Variants in NSFL1C observed in about 807,000 individuals in gnomAD.
NSFL1C encodes NSFL1 cofactor, also known as NSFL1 cofactor p47.
In NSFL1C, 14 loss-of-function variants were observed where a neutral mutation model predicts 43.1. The observed-to-expected ratio is 0.32, with a 90% CI of 0.21 to 0.51. NSFL1C has a LOEUF of 0.51. NSFL1C is among the 20% of genes least tolerant of loss of function. The pLI is 0.98. For missense variants in NSFL1C, 406 were observed against 472.5 expected, an observed-to-expected ratio of 0.86 and a Z score of 1.30; for synonymous variants, 171 against 183.5, an observed-to-expected ratio of 0.93 and a Z score of 0.55.
chr20:1,458,760 T>C (rs1225340091), intron 2 of NSFL1C, among the ~76,000 whole-genome samples: 1 of 151,962 alleles, frequency 6.6e-6, no homozygotes, highest in Non-Finnish European at 1.5e-5. Context: ...TGGTGTAGCA[T>C]TATAGGAAAG....
At chr20:1,449,514 G>C (rs148558489) in intron 7 of NSFL1C, among the ~76,000 whole-genome samples, 1 of 152,160 alleles carries the variant, frequency 6.6e-6, no homozygotes, top group Non-Finnish European at 1.5e-5. Context: ...GCAGCCACAC[G>C]CATCTGTTCA....
intron 7 of NSFL1C, among the ~76,000 whole-genome samples, chr20:1,448,453 A>C (rs1244241215): frequency 6.6e-6 from 1 of 152,200 alleles, no homozygotes; most frequent in Non-Finnish European, 1.5e-5. Flanking sequence ...CCACACAAGG[A>C]AGCAGCTGCT....
chr20:1,461,255 T>C (rs975762384), intron 2 of NSFL1C, among the ~76,000 whole-genome samples: 12 of 152,142 alleles, frequency 7.9e-5, no homozygotes, highest in African/African-American at 2.4e-4. Context: ...GTGGGAGAGA[T>C]GCCACCCAGT....
At chr20:1,454,742 G>C (rs1349724600) in intron 4 of NSFL1C, among the ~76,000 whole-genome samples, 1 of 152,190 alleles carries the variant, frequency 6.6e-6, no homozygotes, top group Non-Finnish European at 1.5e-5. Flanking sequence ...AACAAAACAT[G>C]TATGCAGAAC....
At chr20:1,445,939 T>C (rs2090050352) in intron 7 of NSFL1C, 109 bp from the exon 8 acceptor site, 1 of 1,184,004 alleles carries the variant, frequency 8.4e-7, no homozygotes, top group African/African-American at 1.5e-5. Flanking sequence ...TGGCATTGTT[T>C]GGTGCTGCTG....
chr20:1,466,849 C>A lies in NSFL1C; in HGVS notation c.-25G>T, dbSNP rs1189240001. ...TCTTCGCCCCGTGCGCCTTCCAAAG[C>A]GCTCCGGCGGCCGCCGCACAGGCCC... is the stretch of plus-strand genomic sequence containing the variant. On this transcript the variant is annotated 5_prime_UTR_variant, in exon 1 of 9. Coordinates refer to ENST00000216879, the MANE Select transcript of NSFL1C (RefSeq NM_016143.5). The A allele has an allele frequency of 1.3e-6, 2 of 1,514,480 alleles. No individual in the cohort carries two copies. The highest frequency in any genetic ancestry group is 2.9e-5 in the African/African-American group (2 of 69,114). The allele number at this position is 1,514,480 out of a possible 1,614,324, so 93.8% of individuals were successfully genotyped here. A position where few individuals can be genotyped will look rare whatever the true frequency, so the allele number is the denominator to read the frequency against.
chr20:1,449,596 C>T (rs970527528), intron 7 of NSFL1C, among the ~76,000 whole-genome samples: 2 of 152,194 alleles, frequency 1.3e-5, no homozygotes, highest in Non-Finnish European at 2.9e-5. Context: ...AGCGGCTGGC[C>T]ATCTGCAGCT....
In NSFL1C at chr20:1,445,643, C is replaced by T. The variant is rs755780296; in HGVS notation, c.950+23G>A. ...GCCCAGAGGACACTCCTAGAATAAG[C>T]TAGGCCACACAATGCAAGGTACCTG... On this transcript the variant is annotated intron_variant, in intron 8 of 8. Transcript: ENST00000216879. The T allele has an allele frequency of 3.7e-6, 6 of 1,610,900 alleles. No individual in the cohort carries two copies. The Admixed American group carries it at 1.0e-4, about 27-fold the overall frequency.
intron 8 of NSFL1C, 125 bp downstream of exon 8, chr20:1,445,541 G>T: frequency 1.8e-6 from 2 of 1,121,356 alleles, no homozygotes; most frequent in African/African-American, 1.5e-5. Flanking sequence ...CCTCGTGTCT[G>T]CTTTGGGGAA....
At chr20:1,445,013 T>C (rs1055842233) in intron 8 of NSFL1C, among the ~76,000 whole-genome samples, 1 of 152,188 alleles carries the variant, frequency 6.6e-6, no homozygotes, top group Non-Finnish European at 1.5e-5. Context: ...TCATGACCAA[T>C]AACATTTAGA....
At position 1,454,445 on chromosome 20, in the gene NSFL1C, C is replaced by T. The variant is rs1599952333; in HGVS notation, c.445-140G>A. ...TCAAGCTTGTTAGCTACTAGATGCA[C>T]TTTCTCTGATATCAGACTCAGTGCC... On this transcript the variant is annotated intron_variant, in intron 4 of 8. Transcript: ENST00000216879. The T allele has an allele frequency of 1.1e-5, 7 of 628,300 alleles. No homozygotes were observed. In the East Asian group the frequency reaches 2.0e-4, roughly 18 times the overall value. 38.9% of individuals were successfully genotyped at this position (628,300 alleles called of 1,614,324 possible). A position where few individuals can be genotyped will look rare whatever the true frequency, so the allele number is the denominator to read the frequency against.
chr20:1,458,954 C>T (rs1481582420), intron 2 of NSFL1C, among the ~76,000 whole-genome samples: 1 of 152,174 alleles, frequency 6.6e-6, no homozygotes, highest in Non-Finnish European at 1.5e-5. Context: ...ATGGGCACAA[C>T]TAAAAATGAG....
chr20:1,444,405 A>C (rs2090013363), intron 8 of NSFL1C, among the ~76,000 whole-genome samples: 2 of 152,184 alleles, frequency 1.3e-5, no homozygotes, highest in South Asian at 4.1e-4. Flanking sequence ...CATGAATTTC[A>C]CAAGGACAGT....
chr20:1,449,689 G>GT (rs2090144726), intron 7 of NSFL1C, among the ~76,000 whole-genome samples: 6 of 152,112 alleles, frequency 3.9e-5, no homozygotes, highest in Admixed American at 2.0e-4. Context: ...TGCAAACATC[G>GT]TAAGTTATGG....
chr20:1,454,192 T>C (rs1339409018), intron 5 of NSFL1C, 21 bp downstream of exon 5: 2 of 1,576,362 alleles, frequency 1.3e-6, no homozygotes, highest in Non-Finnish European at 1.7e-6. Flanking sequence ...GCTTCCCTCA[T>C]GGGAAGGTGG....
intron 7 of NSFL1C, among the ~76,000 whole-genome samples, chr20:1,449,000 A>C (rs1220013805): frequency 6.6e-6 from 1 of 152,186 alleles, no homozygotes; most frequent in Non-Finnish European, 1.5e-5. Flanking sequence ...CACTGTACCC[A>C]ACACATACTA....
At chr20:1,458,907 A>G (rs1257241466) in intron 2 of NSFL1C, among the ~76,000 whole-genome samples, 3 of 150,506 alleles carry the variant, frequency 2.0e-5, no homozygotes, top group Non-Finnish European at 4.4e-5. Flanking sequence ...TTAGTCAAGA[A>G]GTATTTATTT....
At chr20:1,457,670 G>A (rs1191810847) in intron 3 of NSFL1C, among the ~76,000 whole-genome samples, 2 of 152,100 alleles carry the variant, frequency 1.3e-5, no homozygotes, top group South Asian at 2.1e-4. Context: ...GATTCCACAC[G>A]AGAGCATGCT....
intron 5 of NSFL1C, among the ~76,000 whole-genome samples, chr20:1,453,667 A>T (rs1173646984): frequency 6.6e-6 from 1 of 152,146 alleles, no homozygotes; most frequent in Non-Finnish European, 1.5e-5. Flanking sequence ...TTTGGAATAA[A>T]ACCCAAAATG....
Sources: gnomAD v4.1 joint callset for allele counts (sites outside exome capture counted in the v4.1 genomes callset) on GRCh38, gnomAD v4.1.1 for gene constraint, MANE v1.5 for transcripts, NCBI Gene and HGNC (gene_info 2026-07-23, HGNC 2026-07-21) for gene names.